Variants in ADGRL2 observed in about 807,000 individuals in gnomAD.
The protein encoded by ADGRL2 is calcium-independent alpha-latrotoxin receptor 2.
Under a neutral mutation model 157.4 loss-of-function variants are expected in ADGRL2, and 44 were observed. The ratio of observed to expected loss-of-function variants is 0.28; its 90% CI spans 0.22 to 0.36. The LOEUF (loss-of-function observed/expected upper bound fraction) is 0.36. Ranked by LOEUF, ADGRL2 falls within the 10% of genes least tolerant of loss-of-function variation. The pLI, the probability that ADGRL2 is intolerant of heterozygous loss-of-function variation, is 1.00. For missense variants in ADGRL2, 1,510 were observed against 1,768.9 expected (o/e 0.85, Z 2.63); for synonymous variants, 585 against 624.7 (o/e 0.94, Z 0.95).
intron 1 of ADGRL2, among the ~76,000 whole-genome samples, chr1:81,349,120 G>C (rs141703735): frequency 3.7e-4 from 57 of 152,186 alleles, no homozygotes; most frequent in African/African-American, 1.3e-3. Flanking sequence ...TGGAATCATG[G>C]AACCCAAGCA....
At chr1:81,390,566 T>A in intron 1 of ADGRL2, among the ~76,000 whole-genome samples, 1 of 151,166 alleles carries the variant, frequency 6.6e-6, no homozygotes, top group Non-Finnish European at 1.5e-5. Flanking sequence ...GAACAGTAAA[T>A]GCCCTCCCTC....
intron 2 of ADGRL2, among the ~76,000 whole-genome samples, chr1:81,467,832 A>G (rs2078091686): frequency 6.6e-6 from 1 of 151,782 alleles, no homozygotes; most frequent in Non-Finnish European, 1.5e-5. Context: ...ATAGAAAGGA[A>G]CAATATATGT....
chr1:81,884,324 A>G (rs991739166), intron 2 of ADGRL2, among the ~76,000 whole-genome samples: 2 of 152,126 alleles, frequency 1.3e-5, no homozygotes, highest in African/African-American at 4.8e-5. Context: ...TGTGCTAGTG[A>G]ATGATTTTTA....
At chr1:81,475,795 G>A (rs2078260639) in intron 2 of ADGRL2, among the ~76,000 whole-genome samples, 1 of 152,146 alleles carries the variant, frequency 6.6e-6, no homozygotes, top group African/African-American at 2.4e-5. Context: ...CAACTCAAGT[G>A]TCAACTTGGG....
intron 2 of ADGRL2, among the ~76,000 whole-genome samples, chr1:81,855,479 G>A (rs1438447586): frequency 1.3e-5 from 2 of 151,940 alleles, no homozygotes; most frequent in East Asian, 1.9e-4. Flanking sequence ...AAATCAAGTC[G>A]GCAGGTGCTA....
At chr1:81,832,573 G>A (rs1054793233) in intron 1 of ADGRL2, among the ~76,000 whole-genome samples, 1 of 152,232 alleles carries the variant, frequency 6.6e-6, no homozygotes, top group Non-Finnish European at 1.5e-5. Context: ...GGTAAGACCA[G>A]TGATGAATAT....
intron 1 of ADGRL2, among the ~76,000 whole-genome samples, chr1:81,400,482 T>C (rs1375977018): frequency 6.6e-6 from 1 of 152,124 alleles, no homozygotes; most frequent in African/African-American, 2.4e-5. Context: ...GGAACAGTAC[T>C]GGGCCAACTC....
chr1:81,632,664 C>G (rs1463126326), intron 3 of ADGRL2, among the ~76,000 whole-genome samples: 5 of 151,394 alleles, frequency 3.3e-5, no homozygotes. Context: ...GAGGCTGAGG[C>G]AGGAGAATAG....
At position 81,990,853 on chromosome 1, in the gene ADGRL2, T is replaced by G. The variant is rs758837991; in HGVS notation, c.4118T>G (p.Leu1373Arg). Residue 1373 changes from leucine (L) to arginine (R), a missense_variant, in exon 24 of 24, where the codon CTA (leucine) becomes CGA (arginine). By Grantham distance (102) the Leu-to-Arg change is moderately radical (BLOSUM62 -2). Around this residue, in one of 4 missense-constraint regions of ADGRL2, gnomAD observed 327 missense variants for 310.1 expected, o/e 1.05. Coordinates refer to ENST00000686636, the MANE Select transcript of ADGRL2 (RefSeq NM_001366006.2). The part of the protein sequence containing the change: ...SQLTAEAEDH[L>R]QSPNRDSLYT... Reference sequence around the variant, plus strand: ...CTGACAGCAGAGGCTGAAGATCACCTACAGTCCCCCAACAGAGACTCTCTT... The same window carrying G: ...CTGACAGCAGAGGCTGAAGATCACCGACAGTCCCCCAACAGAGACTCTCTT... 6.2e-7 allele frequency: 1 copy of G among 1,614,070 alleles called. No individual in the cohort carries two copies. Among genetic ancestry groups the G allele is most frequent in the Admixed American group, 1.7e-5 (1 of 60,000 alleles).
chr1:81,499,727 T>C (rs746044785), intron 2 of ADGRL2, among the ~76,000 whole-genome samples: 1 of 152,200 alleles, frequency 6.6e-6, no homozygotes, highest in Non-Finnish European at 1.5e-5. Flanking sequence ...AGCTTACCAC[T>C]GCTATAAATA....
chr1:81,700,002 G>T (rs1035432519), intron 1 of ADGRL2, among the ~76,000 whole-genome samples: 1 of 152,118 alleles, frequency 6.6e-6, no homozygotes, highest in African/African-American at 2.4e-5. Flanking sequence ...AATAGCTGTC[G>T]GTACAGTTTC....
chr1:81,639,316 C>G (rs2082172376), intron 3 of ADGRL2, among the ~76,000 whole-genome samples: 1 of 152,132 alleles, frequency 6.6e-6, no homozygotes, highest in Non-Finnish European at 1.5e-5. Flanking sequence ...GGTGACCAAT[C>G]CACTTCAGCC....
chr1:81,860,414 T>A (rs1007471952), intron 2 of ADGRL2, among the ~76,000 whole-genome samples: 1 of 152,156 alleles, frequency 6.6e-6, no homozygotes, highest in Admixed American at 6.5e-5. Flanking sequence ...TGGCCTCTGG[T>A]GATCCTCCTG....
chr1:81,869,838 G>A (rs74226543), intron 2 of ADGRL2, among the ~76,000 whole-genome samples: 3 of 151,638 alleles, frequency 2.0e-5, no homozygotes, highest in East Asian at 3.9e-4. Flanking sequence ...TCTTCAATGC[G>A]GCCAAGTGTA....
chr1:81,315,333 A>G (rs1001462530), intron 1 of ADGRL2, among the ~76,000 whole-genome samples: 2 of 145,424 alleles, frequency 1.4e-5, no homozygotes, highest in African/African-American at 5.3e-5. Flanking sequence ...TCTTTGCCAT[A>G]AAAAAAAAAT....
At chr1:81,521,452 G>A (rs1387509577) in intron 2 of ADGRL2, among the ~76,000 whole-genome samples, 1 of 152,110 alleles carries the variant, frequency 6.6e-6, no homozygotes, top group African/African-American at 2.4e-5. Flanking sequence ...AGGTATCACA[G>A]ATTTCTTCCT....
chr1:81,750,340 A>G (rs1188259274), intron 1 of ADGRL2, among the ~76,000 whole-genome samples: 2 of 152,226 alleles, frequency 1.3e-5, no homozygotes, highest in African/African-American at 4.8e-5. Context: ...GGTTACAGGT[A>G]GGATGGTTGA....
At chr1:81,904,616 C>T (rs1272499542) in intron 2 of ADGRL2, among the ~76,000 whole-genome samples, 1 of 152,038 alleles carries the variant, frequency 6.6e-6, no homozygotes. Flanking sequence ...AGTCTTAAAA[C>T]AAAAACTTTG....
chr1:81,372,453 C>T (rs143134785), intron 1 of ADGRL2, among the ~76,000 whole-genome samples: 22 of 152,288 alleles, frequency 1.4e-4, no homozygotes, highest in African/African-American at 5.3e-4. Flanking sequence ...CATTTGTACC[C>T]TCATGCCCCC....
Sources: allele counts gnomAD v4.1 joint callset (sites outside exome capture counted in the v4.1 genomes callset), GRCh38; gene constraint gnomAD v4.1.1; regional missense constraint gnomAD v4.1.1; transcripts MANE v1.5; gene names NCBI Gene and HGNC (gene_info 2026-07-23, HGNC 2026-07-21).